The following MIB1 variants were observed in gnomAD, a reference collection of about 807,000 sequenced individuals.
The protein encoded by MIB1 is E3 ubiquitin-protein ligase MIB1.
Under a neutral mutation model 124.5 loss-of-function variants are expected in MIB1, and 278 were observed. The observed-to-expected ratio is 2.23, with a 90% CI of 2.02 to 2.47. MIB1 has a LOEUF of 2.47. Among genes scored for constraint, MIB1 ranks in the 30% most tolerant of loss-of-function variants. The pLI, the probability that MIB1 is intolerant of heterozygous loss-of-function variation, is 0.00. For synonymous variants in MIB1, 446 were observed against 429.4 expected, an observed-to-expected ratio of 1.04 and a Z score of -0.48; for missense variants, 957 against 1,254.4, an observed-to-expected ratio of 0.76 and a Z score of 3.58.
At position 21,831,647 on chromosome 18, in the gene MIB1, C is replaced by A. The variant is rs546630268; in HGVS notation, c.1830-6718C>A. Reference sequence around the variant, plus strand: ...CTGCTTAGCCATTTGTCCTGCCCCCCACTTTTTTTTTTTTGAGGGGGGGTA... The same window carrying A: ...CTGCTTAGCCATTTGTCCTGCCCCCAACTTTTTTTTTTTTGAGGGGGGGTA... On this transcript the variant is annotated intron_variant, in intron 12 of 20. Coordinates refer to ENST00000261537, the MANE Select transcript of MIB1 (RefSeq NM_020774.4). Among the ~76,000 whole-genome samples, 3 of 150,616 alleles carry A rather than the reference C, an allele frequency of 2.0e-5. No homozygotes were observed. The South Asian group carries it at 6.3e-4, about 32-fold the overall frequency.
chr18:21,825,442 T>C, intron 12 of MIB1: 2 of 303,136 alleles, frequency 6.6e-6, no homozygotes, highest in Non-Finnish European at 1.3e-5. Context: ...TTACCAGTTC[T>C]TTTCTTTTCT....
upstream of MIB1, among the ~76,000 whole-genome samples, chr18:21,740,770 G>T (rs1301112181): frequency 6.6e-6 from 1 of 152,238 alleles, no homozygotes; most frequent in Non-Finnish European, 1.5e-5. Flanking sequence ...CCTTTTTCTA[G>T]ACCGCGCGCA....
chr18:21,832,692 A>G (rs1425089449), intron 12 of MIB1, among the ~76,000 whole-genome samples: 1 of 152,202 alleles, frequency 6.6e-6, no homozygotes. Flanking sequence ...AGCATTTAAT[A>G]TCATAGCAGT....
chr18:21,824,582 ACAAATGTACTT>A (rs2041908162), intron 12 of MIB1, among the ~76,000 whole-genome samples: 1 of 152,116 alleles, frequency 6.6e-6, no homozygotes, highest in Non-Finnish European at 1.5e-5. Context: ...CTTGTAATAC[ACAAATGTACTT>A]TCTGTGACTG....
intron 4 of MIB1, among the ~76,000 whole-genome samples, chr18:21,777,598 G>A (rs184079369): frequency 4.0e-5 from 6 of 151,528 alleles, no homozygotes; most frequent in South Asian, 2.1e-4. Context: ...TCTGTTGCCC[G>A]GGCTGGAGTG....
intron 12 of MIB1, among the ~76,000 whole-genome samples, chr18:21,825,124 A>G (rs1451394837): frequency 2.6e-5 from 4 of 152,126 alleles, no homozygotes; most frequent in Non-Finnish European, 2.9e-5. Context: ...CAGAAGAACT[A>G]GATAACTGTT....
intron 19 of MIB1, among the ~76,000 whole-genome samples, 170 bp downstream of exon 19, chr18:21,857,413 C>G (rs889691004): frequency 5.3e-5 from 8 of 152,124 alleles, no homozygotes; most frequent in Admixed American, 1.3e-4. Context: ...TATAAGAAAC[C>G]TGAAGTTCTA....
Position 21,838,438 on chromosome 18 carries a change from G to C in MIB1, c.1903G>C (p.Ala635Pro). 6.2e-7 allele frequency: 1 copy of C among 1,611,220 alleles called. No homozygotes were observed. Among genetic ancestry groups the C allele is most frequent in the Non-Finnish European group, 8.5e-7 (1 of 1,178,042 alleles). The change falls in exon 13 of 21, where the codon GCC becomes CCC. Residue 635 changes from alanine (A) to proline (P), a missense_variant. Coordinates refer to ENST00000261537, the MANE Select transcript of MIB1 (RefSeq NM_020774.4). ...VDEKKDDGYT[A>P]LHLAALNNHV... ...TGAGAAGAAAGATGATGGTTATACT[G>C]CCTTACATCTGGCTGCCCTTAATAA...
intron 1 of MIB1, among the ~76,000 whole-genome samples, chr18:21,718,722 A>G (rs1598579153): frequency 2.6e-5 from 4 of 152,230 alleles, no homozygotes; most frequent in Admixed American, 2.0e-4. Flanking sequence ...AGTTACTGGC[A>G]AGACAGGTTC....
rs553284951 is a variant in MIB1, at chr18:21,797,964, C to A, written c.1093-120C>A. ...AATAACCCATTTCAGTATGGTTATC[C>A]TTTGAAAGTTTTTTCATTAGTAATA... is the stretch of plus-strand genomic sequence containing the variant. On this transcript the variant is annotated intron_variant, in intron 7 of 20. Coordinates refer to ENST00000261537, the MANE Select transcript of MIB1 (RefSeq NM_020774.4). 9 of 890,844 alleles carry A rather than the reference C, an allele frequency of 1.0e-5. No individual in the cohort carries two copies. The South Asian group carries it at 1.6e-4, about 15-fold the overall frequency. The allele number at this position is 890,844 out of a possible 1,614,324, so 55.2% of individuals were successfully genotyped here. A position where few individuals can be genotyped will look rare whatever the true frequency, so the allele number is the denominator to read the frequency against.
At chr18:21,716,742 C>G (rs918592401) in intron 1 of MIB1, among the ~76,000 whole-genome samples, 1 of 152,052 alleles carries the variant, frequency 6.6e-6, no homozygotes, top group African/African-American at 2.4e-5. Context: ...GTCCCAGCCA[C>G]GCAGGAGGCT....
chr18:21,774,113 C>T (rs1374095198), intron 4 of MIB1, among the ~76,000 whole-genome samples: 2 of 152,150 alleles, frequency 1.3e-5, no homozygotes, highest in Admixed American at 1.3e-4. Context: ...TAAATTACAA[C>T]AAATATTAAA....
chr18:21,711,086 C>G (rs936869808), intron 1 of MIB1, among the ~76,000 whole-genome samples: 2 of 152,014 alleles, frequency 1.3e-5, no homozygotes, highest in Admixed American at 6.6e-5. Flanking sequence ...CTCGGCCTCC[C>G]AAAGTGCTGG....
intron 6 of MIB1, among the ~76,000 whole-genome samples, chr18:21,790,400 G>A (rs2041488695): frequency 6.6e-6 from 1 of 152,136 alleles, no homozygotes; most frequent in Admixed American, 6.6e-5. Context: ...ATATCCAAGT[G>A]ATGGAATACT....
chr18:21,817,376 C>T (rs1457059562), intron 11 of MIB1, among the ~76,000 whole-genome samples: 1 of 151,904 alleles, frequency 6.6e-6, no homozygotes, highest in African/African-American at 2.4e-5. Context: ...CTTCCTGCTC[C>T]CACCTCCCAA....
chr18:21,785,243 A>G (rs576511912), intron 6 of MIB1, among the ~76,000 whole-genome samples: 11 of 151,970 alleles, frequency 7.2e-5, no homozygotes, highest in African/African-American at 2.7e-4. Flanking sequence ...TGTATACAAT[A>G]AATAACAGCG....
intron 1 of MIB1, among the ~76,000 whole-genome samples, chr18:21,709,274 C>G (rs1355807544): frequency 6.8e-6 from 1 of 146,304 alleles, no homozygotes; most frequent in Non-Finnish European, 1.5e-5. Context: ...GCCCAGATAA[C>G]GCCACTGCAC....
chr18:21,739,854 G>T (rs996758816), upstream of MIB1, among the ~76,000 whole-genome samples: 2 of 151,910 alleles, frequency 1.3e-5, no homozygotes, highest in East Asian at 1.9e-4. Context: ...GGCGGAGGTT[G>T]CGGGGAACGG....
intron 1 of MIB1, among the ~76,000 whole-genome samples, chr18:21,724,587 C>A (rs1419083658): frequency 6.7e-6 from 1 of 149,938 alleles, no homozygotes; most frequent in Admixed American, 6.7e-5. Flanking sequence ...TGCCTGTAGT[C>A]CCAGCTACTC....
Sources: gnomAD v4.1 joint callset for allele counts (sites outside exome capture counted in the v4.1 genomes callset) on GRCh38, gnomAD v4.1.1 for gene constraint, MANE v1.5 for transcripts, NCBI Gene and HGNC (gene_info 2026-07-23, HGNC 2026-07-21) for gene names.